Variants in ZNF652 observed in about 807,000 individuals in gnomAD.
ZNF652 encodes the protein zinc finger protein 652.
A neutral mutation model predicts 45.2 loss-of-function variants in ZNF652; 16 were observed. The ratio of observed to expected loss-of-function variants is 0.35; its 90% confidence interval spans 0.24 to 0.54. The LOEUF (loss-of-function observed/expected upper bound fraction) is 0.54, where lower values mean the gene tolerates loss of function less well. Ranked by LOEUF, ZNF652 falls within the 20% of genes least tolerant of loss-of-function variation. The pLI is 0.91. For missense variants in ZNF652, 614 were observed against 765.6 expected, an observed-to-expected ratio of 0.80 and a Z score of 2.34; for synonymous variants, 250 against 260.6, an observed-to-expected ratio of 0.96 and a Z score of 0.39.
At chr17:49,298,984 CTT>C (rs541337059) in intron 5 of ZNF652, 60 bp from the exon 6 acceptor site, 96 of 1,200,858 alleles carry the variant, frequency 8.0e-5, no homozygotes, top group East Asian at 1.2e-4. Context: ...TGTGCTCAAG[CTT>C]TTTTTTTTTA....
At chr17:49,336,173 CG>C (rs1235785420) in intron 1 of ZNF652, among the ~76,000 whole-genome samples, 12 of 151,744 alleles carry the variant, frequency 7.9e-5, no homozygotes. Flanking sequence ...TACAGGCACG[CG>C]CCACCATGCC....
At chr17:49,307,131 A>C (rs1032036952) in intron 5 of ZNF652, among the ~76,000 whole-genome samples, 1 of 152,062 alleles carries the variant, frequency 6.6e-6, no homozygotes, top group African/African-American at 2.4e-5. Flanking sequence ...AAATAAATGG[A>C]GAAAACATCC....
rs182493788 is a variant in ZNF652 at position 49,333,030 on chromosome 17, G to A, written c.-258-15047C>T. ...TCTGGCCTGGGCAACAGAGCAAGAA[G>A]ACCCTGTCTGAAAAAAATAATAAAA... On this transcript the variant is annotated intron_variant, in intron 1 of 5. Coordinates refer to ENST00000430262, the MANE Select transcript of ZNF652 (RefSeq NM_001145365.3). 4.4e-3 allele frequency among the ~76,000 whole-genome samples: 661 copies of A among 151,842 alleles called. 5 individuals carry two copies. The highest frequency in any genetic ancestry group is 0.015 in the African/African-American group (638 of 41,426).
chr17:49,317,016 G>A lies in ZNF652; in HGVS notation c.710C>T (p.Ala237Val), dbSNP rs2143797882. Residue 237 changes from alanine to valine, a missense_variant, in exon 2 of 6, where the codon GCT (alanine) becomes GTT (valine). Ala to Val is a moderately conservative substitution (Grantham distance 64). This residue lies in a region of ZNF652 where 262 missense variants were observed against 306.3 expected (regional missense o/e 0.86). Coordinates refer to ENST00000430262, the MANE Select transcript of ZNF652 (RefSeq NM_001145365.3). ...CAGAGTCTCTTTCTCTTCACACTTAGCTTTCTGGACTGGTGCTTTGGGCTC... is the reference window on the plus strand; with the variant it reads ...CAGAGTCTCTTTCTCTTCACACTTAACTTTCTGGACTGGTGCTTTGGGCTC... ...TKEPKAPVQKAKCEEKETLTC... is the reference protein window; with the variant it reads ...TKEPKAPVQKVKCEEKETLTC... 6.2e-7 allele frequency: 1 copy of A among 1,614,110 alleles called. No individual in the cohort carries two copies. Among genetic ancestry groups the A allele is most frequent in the East Asian group, 2.2e-5 (1 of 44,874 alleles).
At chr17:49,314,074 T>C (rs972790871) in intron 2 of ZNF652, among the ~76,000 whole-genome samples, 2 of 151,454 alleles carry the variant, frequency 1.3e-5, no homozygotes, top group African/African-American at 2.4e-5. Flanking sequence ...ATGTTATATT[T>C]CCTCAAATCT....
downstream of ZNF652, among the ~76,000 whole-genome samples, chr17:49,288,612 T>C (rs1359304421): frequency 2.0e-5 from 3 of 152,198 alleles, no homozygotes; most frequent in Non-Finnish European, 2.9e-5. Context: ...TGTCAGGGTT[T>C]CTCCACTAGA....
Position 49,294,059 on chromosome 17 carries a change from T to C in ZNF652, c.*4354A>G, listed in dbSNP as rs780173077. Among the ~76,000 whole-genome samples the C allele has an allele frequency of 1.4e-4, 22 of 152,194 alleles. No individual in the cohort carries two copies. The highest frequency in any genetic ancestry group is 2.8e-4 in the Non-Finnish European group (19 of 68,026). ...GGGGTAAATATACATATATCTGCAA[T>C]GGATTTCTATCTCTGCTTCATCTTC... On this transcript the variant is annotated 3_prime_UTR_variant, in exon 6 of 6. Coordinates refer to ENST00000430262, the MANE Select transcript of ZNF652 (RefSeq NM_001145365.3).
At position 49,317,693 on chromosome 17, in the gene ZNF652, C is replaced by T; in HGVS notation, c.33G>A (p.Leu11=). Residue 11 remains leucine (L), a synonymous_variant, in exon 2 of 6, where the codon CTG becomes CTA. Coordinates refer to ENST00000430262, the MANE Select transcript of ZNF652 (RefSeq NM_001145365.3). MSHTASSCQE[L]VENCAVHVAG... is the part of the protein sequence containing the mutation. Reference sequence around the variant, plus strand: ...CTACATGCACAGCACAGTTTTCAACCAGCTCCTGACAAGAACTGGCTGTGT... The same window carrying T: ...CTACATGCACAGCACAGTTTTCAACTAGCTCCTGACAAGAACTGGCTGTGT... The T allele has an allele frequency of 1.9e-6, 3 of 1,598,862 alleles. No homozygotes were observed. Among genetic ancestry groups the T allele is most frequent in the Non-Finnish European group, 1.7e-6 (2 of 1,167,884 alleles).
intron 2 of ZNF652, among the ~76,000 whole-genome samples, chr17:49,313,511 T>C (rs1479207079): frequency 6.6e-6 from 1 of 152,140 alleles, no homozygotes; most frequent in African/African-American, 2.4e-5. Flanking sequence ...TAAAAATATA[T>C]GTATTAAGCA....
At chr17:49,328,580 T>C (rs1246368534) in intron 1 of ZNF652, among the ~76,000 whole-genome samples, 2 of 152,080 alleles carry the variant, frequency 1.3e-5, no homozygotes, top group African/African-American at 2.4e-5. Context: ...TTACATGAGA[T>C]CTGGTTAAGA....
intron 1 of ZNF652, among the ~76,000 whole-genome samples, chr17:49,318,276 C>T (rs975149057): frequency 2.0e-5 from 3 of 152,088 alleles, no homozygotes; most frequent in Non-Finnish European, 4.4e-5. Flanking sequence ...CGGGGTTTTG[C>T]CATCTTGGCC....
Position 49,294,199 on chromosome 17 carries a change from T to A in ZNF652, c.*4214A>T, listed in dbSNP as rs2069441675. 6.6e-6 allele frequency among the ~76,000 whole-genome samples: 1 copy of A among 152,168 alleles called. No homozygotes were observed. Among genetic ancestry groups the A allele is most frequent in the African/African-American group, 2.4e-5 (1 of 41,446 alleles). The stretch of plus-strand genomic sequence containing the variant: ...TTAAAAAATTCATAGTTTATAAGCA[T>A]CTCATCAGAGCATTTTGCTTTCGGT... On this transcript the variant is annotated 3_prime_UTR_variant, in exon 6 of 6. Coordinates refer to ENST00000430262, the MANE Select transcript of ZNF652 (RefSeq NM_001145365.3).
intron 1 of ZNF652, chr17:49,361,332 C>T (rs2070390542): frequency 6.6e-6 from 1 of 152,312 alleles, no homozygotes; most frequent in African/African-American, 2.4e-5. Context: ...ATCTAAGAAT[C>T]TTCAGCAGAG....
At chr17:49,310,215 A>G (rs1241536657) in intron 5 of ZNF652, among the ~76,000 whole-genome samples, 1 of 152,162 alleles carries the variant, frequency 6.6e-6, no homozygotes, top group Non-Finnish European at 1.5e-5. Flanking sequence ...GGCCTCCCAA[A>G]GTGCTGGGAT....
At position 49,307,999 on chromosome 17, in the gene ZNF652, C is replaced by A. The variant is rs758941976; in HGVS notation, c.1309+3313G>T. Among the ~76,000 whole-genome samples the A allele has an allele frequency of 3.9e-4, 59 of 152,060 alleles. No individual in the cohort carries two copies. In the Middle Eastern group the frequency reaches 0.01, roughly 26 times the overall value. ...ACCCAACATTTGTTTTTACTATATA[C>A]ATGAACACATAAACACTTATGCAAA... is the stretch of plus-strand genomic sequence containing the variant. On this transcript the variant is annotated intron_variant, in intron 5 of 5. Transcript: ENST00000430262.
At chr17:49,313,400 A>T (rs1359999229) in intron 2 of ZNF652, among the ~76,000 whole-genome samples, 1 of 151,508 alleles carries the variant, frequency 6.6e-6, no homozygotes, top group Non-Finnish European at 1.5e-5. Context: ...CTCGTGATCC[A>T]CCCGCCTCAG....
At chr17:49,337,561 G>A (rs546713007) in intron 1 of ZNF652, among the ~76,000 whole-genome samples, 10 of 152,180 alleles carry the variant, frequency 6.6e-5, no homozygotes, top group Admixed American at 2.6e-4. Flanking sequence ...ACTGAGTTAC[G>A]CTTTATGAAT....
rs1230373018 is a variant in ZNF652 at position 49,293,627 on chromosome 17, T to C, written c.*4786A>G. 7.2e-6 allele frequency among the ~76,000 whole-genome samples: 1 copy of C among 138,902 alleles called. No individual in the cohort carries two copies. Among genetic ancestry groups the C allele is most frequent in the African/African-American group, 2.7e-5 (1 of 37,712 alleles). 91.1% of individuals were successfully genotyped at this position (138,902 alleles called of 152,430 possible). Reference sequence around the variant, plus strand: ...TTGTTATTGCATAATAATGCCACTATTTCTAATGGCTTATGACCTTTCATT... The same window carrying C: ...TTGTTATTGCATAATAATGCCACTACTTCTAATGGCTTATGACCTTTCATT... On this transcript the variant is annotated 3_prime_UTR_variant, in exon 6 of 6. Transcript: ENST00000430262.
At chr17:49,345,688 A>C (rs566345949) in intron 1 of ZNF652, among the ~76,000 whole-genome samples, 1 of 150,596 alleles carries the variant, frequency 6.6e-6, no homozygotes, top group East Asian at 2.0e-4. Flanking sequence ...AAAAATACAA[A>C]AAATTAGCCG....
Sources: gnomAD v4.1 joint callset for allele counts (sites outside exome capture counted in the v4.1 genomes callset) on GRCh38, gnomAD v4.1.1 for gene constraint, gnomAD v4.1.1 regional missense constraint, MANE v1.5 for transcripts, NCBI Gene and HGNC (gene_info 2026-07-23, HGNC 2026-07-21) for gene names.